The following CRACD variants were observed in gnomAD, a reference collection of about 807,000 sequenced individuals.
CRACD encodes the protein capping protein-inhibiting regulator of actin dynamics.
In CRACD, 56 loss-of-function variants were observed where a neutral mutation model predicts 106.8. The observed-to-expected ratio is 0.52, with a 90% confidence interval of 0.42 to 0.66. CRACD has a LOEUF of 0.66. Among genes scored for constraint, CRACD ranks in the 30% least tolerant of loss-of-function variants. The pLI is 0.00. For synonymous variants in CRACD, 754 were observed against 670.8 expected (o/e 1.12, Z -1.92); for missense variants, 1,730 against 1,623.2 (o/e 1.07, Z -1.13).
intron 3 of CRACD, among the ~76,000 whole-genome samples, chr4:56,278,594 T>G (rs1389862004): frequency 6.6e-6 from 1 of 152,196 alleles, no homozygotes; most frequent in Non-Finnish European, 1.5e-5. Flanking sequence ...AATTAGGCAG[T>G]GGTTTCTTAG....
chr4:56,234,988 A>T (rs1246486562), intron 2 of CRACD, among the ~76,000 whole-genome samples: 4 of 152,204 alleles, frequency 2.6e-5, no homozygotes, highest in Non-Finnish European at 1.5e-5. Flanking sequence ...AATCTAATTC[A>T]TAGGGTAGAG....
intron 4 of CRACD, among the ~76,000 whole-genome samples, chr4:56,299,563 A>C (rs1214749302): frequency 1.3e-5 from 2 of 151,908 alleles, no homozygotes. Context: ...CCAGCTTCTC[A>C]GGAGGCTGAG....
chr4:56,225,258 A>T (rs986824228), intron 2 of CRACD, among the ~76,000 whole-genome samples: 2 of 151,834 alleles, frequency 1.3e-5, no homozygotes, highest in African/African-American at 4.8e-5. Context: ...TGCCTGGCTA[A>T]TTTTTTTGTA....
intron 6 of CRACD, among the ~76,000 whole-genome samples, chr4:56,312,656 G>A (rs1015388207): frequency 3.3e-5 from 5 of 152,184 alleles, no homozygotes; most frequent in Non-Finnish European, 7.4e-5. Context: ...TCCTGTGTAG[G>A]AGCTGAGGCA....
At chr4:56,268,643 T>C (rs1423068183) in intron 2 of CRACD, among the ~76,000 whole-genome samples, 1 of 152,238 alleles carries the variant, frequency 6.6e-6, no homozygotes, top group Non-Finnish European at 1.5e-5. Flanking sequence ...ACTGTTTACA[T>C]ATTTTCAGCC....
chr4:56,131,086 CATT>C (rs1257315570), intron 1 of CRACD, among the ~76,000 whole-genome samples: 1 of 152,092 alleles, frequency 6.6e-6, no homozygotes, highest in Non-Finnish European at 1.5e-5. Flanking sequence ...ATGTTAAATG[CATT>C]ATTATAGCCT....
chr4:56,190,040 A>G lies in CRACD; in HGVS notation c.-189+10610A>G, dbSNP rs920259279. Among the ~76,000 whole-genome samples the G allele has an allele frequency of 1.0e-4, 14 of 138,084 alleles. No homozygotes were observed. In the East Asian group the frequency reaches 1.1e-3, roughly 11 times the overall value. 90.6% of individuals were successfully genotyped at this position (138,084 alleles called of 152,430 possible). On this transcript the variant is annotated intron_variant, in intron 2 of 10. Coordinates refer to ENST00000682029, the MANE Select transcript of CRACD (RefSeq NM_001393381.1). ...TGTGTCCATGTGTTCTCATTGTTCA[A>G]TTCCCACCTATGAGTGAGAATATGT...
intron 1 of CRACD, among the ~76,000 whole-genome samples, chr4:56,149,331 A>T (rs1001670118): frequency 6.6e-6 from 1 of 152,190 alleles, no homozygotes; most frequent in Non-Finnish European, 1.5e-5. Context: ...GATGAAGCCT[A>T]TTGCTGTATT....
In CRACD at chr4:56,327,935, T is replaced by C. The variant is rs1310643832; in HGVS notation, c.*131T>C. On this transcript the variant is annotated 3_prime_UTR_variant, in exon 11 of 11. Transcript: ENST00000682029. ...GCATGTTTTATAGGCTCCAAAATAATGTTTAGAAACTGAACTGGTGGTGTT... is the reference window on the plus strand; with the variant it reads ...GCATGTTTTATAGGCTCCAAAATAACGTTTAGAAACTGAACTGGTGGTGTT... The C allele has an allele frequency of 2.4e-6, 2 of 817,938 alleles. No individual in the cohort carries two copies. The highest frequency in any genetic ancestry group is 3.7e-6 in the Non-Finnish European group (2 of 536,372). 50.7% of individuals were successfully genotyped at this position (817,938 alleles called of 1,614,324 possible).
rs1440497582 is a variant in CRACD, at chr4:56,316,489, C to T, written c.2987C>T (p.Pro996Leu). 25 of 1,613,586 alleles carry T rather than the reference C, an allele frequency of 1.5e-5. 1 individual carries two copies. Among genetic ancestry groups the T allele is most frequent in the Admixed American group, 3.3e-5 (2 of 59,980 alleles). The change falls in exon 8 of 11, where the codon CCG becomes CTG. Residue 996 changes from proline (P) to leucine (L), a missense_variant. Coordinates refer to ENST00000682029, the MANE Select transcript of CRACD (RefSeq NM_001393381.1). ...VELLSRRAGRPDPEPSEPSKE... is the reference protein window; with the variant it reads ...VELLSRRAGRLDPEPSEPSKE... ...CTGCTGTCTCGCCGAGCGGGGAGGC[C>T]GGACCCAGAGCCAAGTGAGCCGTCC...
chr4:56,225,963 A>G (rs1479005), intron 2 of CRACD, among the ~76,000 whole-genome samples: 65,054 of 152,122 alleles, frequency 0.43, 15,033 homozygotes, highest in African/African-American at 0.62. Context: ...CCTGCTCTTC[A>G]ACTTTCTCCT....
intron 3 of CRACD, among the ~76,000 whole-genome samples, chr4:56,283,990 G>A (rs1379043366): frequency 2.6e-5 from 4 of 152,132 alleles, no homozygotes; most frequent in Non-Finnish European, 4.4e-5. Context: ...CTTGCCACCC[G>A]TTGGCTTCTT....
chr4:56,118,171 A>C (rs917237606), intron 1 of CRACD, among the ~76,000 whole-genome samples: 2 of 152,238 alleles, frequency 1.3e-5, no homozygotes, highest in Non-Finnish European at 2.9e-5. Context: ...TAATGGGTTA[A>C]GATAATACAC....
chr4:56,081,110 G>A (rs914905493), intron 1 of CRACD, among the ~76,000 whole-genome samples: 4 of 152,120 alleles, frequency 2.6e-5, no homozygotes, highest in African/African-American at 7.2e-5. Context: ...CTCCTACCTT[G>A]GCCACCCAAG....
intron 1 of CRACD, among the ~76,000 whole-genome samples, chr4:56,119,845 C>T (rs149732828): frequency 2.4e-4 from 37 of 152,254 alleles, no homozygotes; most frequent in Middle Eastern, 3.4e-3. Context: ...CTGAGAGTCT[C>T]ATCCATATCT....
intron 2 of CRACD, among the ~76,000 whole-genome samples, chr4:56,257,719 C>T (rs1275817993): frequency 4.6e-5 from 7 of 151,986 alleles, no homozygotes; most frequent in Admixed American, 4.6e-4. Flanking sequence ...AGTAGATCTT[C>T]CAGGTCTTTT....
intron 1 of CRACD, among the ~76,000 whole-genome samples, chr4:56,068,683 G>C (rs1217562573): frequency 2.0e-5 from 3 of 152,052 alleles, no homozygotes; most frequent in African/African-American, 4.8e-5. Context: ...GCGTGGACGT[G>C]GGGTGTGAGA....
intron 2 of CRACD, among the ~76,000 whole-genome samples, chr4:56,261,776 G>C (rs1290261086): frequency 6.6e-6 from 1 of 152,192 alleles, no homozygotes; most frequent in African/African-American, 2.4e-5. Context: ...TTTGAGAGGT[G>C]GGGGAGGAGA....
chr4:56,076,294 T>G (rs896528311), intron 1 of CRACD, among the ~76,000 whole-genome samples: 1 of 152,184 alleles, frequency 6.6e-6, no homozygotes. Flanking sequence ...AATACATTTC[T>G]GTTGTTGAAG....
Sources: gnomAD v4.1 joint callset for allele counts (sites outside exome capture counted in the v4.1 genomes callset) on GRCh38, gnomAD v4.1.1 for gene constraint, MANE v1.5 for transcripts, NCBI Gene and HGNC (gene_info 2026-07-23, HGNC 2026-07-21) for gene names.